Variants in DAB1 observed in about 807,000 individuals in gnomAD.
The protein encoded by DAB1 is disabled homolog 1.
In DAB1, 15 loss-of-function variants were observed where a neutral mutation model predicts 64.6. That is an observed-to-expected ratio of 0.23 (90% confidence interval 0.16 to 0.36). The LOEUF is 0.36. Ranked by LOEUF, DAB1 falls within the 10% of genes least tolerant of loss-of-function variation. The pLI, the probability that DAB1 is intolerant of heterozygous loss-of-function variation, is 1.00. For missense variants in DAB1, 596 were observed against 706.7 expected (o/e 0.84, Z 1.78); for synonymous variants, 235 against 251.9 (o/e 0.93, Z 0.64).
At chr1:58,236,135 T>G (rs1350608802) in intron 4 of DAB1, among the ~76,000 whole-genome samples, 1 of 16,336 alleles carries the variant, frequency 6.1e-5, no homozygotes, top group Admixed American at 3.8e-4. Flanking sequence ...CCCCCACTCC[T>G]CCTCACCTAC....
At chr1:58,166,839 A>G (rs2095817) in intron 4 of DAB1, among the ~76,000 whole-genome samples, 2,521 of 149,998 alleles carry the variant, frequency 0.017, 68 homozygotes, top group South Asian at 0.1. Flanking sequence ...TCCGCCCCCC[A>G]GGTTCAAGTG....
At position 58,187,608 on chromosome 1, in the gene DAB1, G is replaced by A. The variant is rs140621149; in HGVS notation, n.310-37020C>T. Among the ~76,000 whole-genome samples the A allele has an allele frequency of 3.1e-3, 462 of 149,936 alleles. 1 individual carries two copies. Among genetic ancestry groups the A allele is most frequent in the African/African-American group, 9.9e-3 (406 of 41,148 alleles). The stretch of plus-strand genomic sequence containing the variant: ...TTATTATAATTTTTGAGAAAGAGTT[G>A]CACTCTTGTCACCCAGGCTGGAGTG... On this transcript the variant is annotated intron_variant and non_coding_transcript_variant, in intron 4 of 20. Transcript: ENST00000485760.
At chr1:57,194,989 T>C (rs2100231953) in intron 2 of DAB1, among the ~76,000 whole-genome samples, 1 of 152,338 alleles carries the variant, frequency 6.6e-6, no homozygotes, top group African/African-American at 2.4e-5. Context: ...GAAAGTGTAA[T>C]AACTTTGGGT....
At chr1:58,008,248 C>T (rs1174238036) in intron 5 of DAB1, among the ~76,000 whole-genome samples, 1 of 152,118 alleles carries the variant, frequency 6.6e-6, no homozygotes, top group Non-Finnish European at 1.5e-5. Context: ...AATCCAGAAC[C>T]ACCACACTCC....
chr1:57,344,166 T>C (rs1677897626), intron 1 of DAB1, among the ~76,000 whole-genome samples: 1 of 152,214 alleles, frequency 6.6e-6, no homozygotes, highest in Admixed American at 6.5e-5. Flanking sequence ...CAGAACCAAG[T>C]TACAAACCCA....
intron 4 of DAB1, among the ~76,000 whole-genome samples, chr1:57,115,688 G>T (rs1656045698): frequency 6.6e-6 from 1 of 152,160 alleles, no homozygotes; most frequent in Non-Finnish European, 1.5e-5. Flanking sequence ...GAAAAGGAGG[G>T]CTTTCAGTTG....
chr1:58,232,476 TACACACACACACACACACACACACAC>T (rs58863239), intron 4 of DAB1, among the ~76,000 whole-genome samples: 7 of 144,034 alleles, frequency 4.9e-5, no homozygotes, highest in African/African-American at 1.8e-4. Flanking sequence ...TCTGAGTGAA[TACACACACACACACACACACACACAC>T]ACACACACAC....
intron 9 of DAB1, among the ~76,000 whole-genome samples, chr1:57,045,944 TC>T (rs1648429352): frequency 6.6e-6 from 1 of 152,176 alleles, no homozygotes; most frequent in Non-Finnish European, 1.5e-5. Context: ...GACCTTCCTT[TC>T]GGCATAAGTA....
intron 6 of DAB1, among the ~76,000 whole-genome samples, chr1:57,733,622 A>G (rs1426767710): frequency 1.3e-5 from 2 of 152,158 alleles, no homozygotes; most frequent in African/African-American, 4.8e-5. Flanking sequence ...TGCCCTCAGT[A>G]TAGATATTAG....
At chr1:57,635,205 TAG>T (rs1454777988) in intron 7 of DAB1, among the ~76,000 whole-genome samples, 1 of 152,148 alleles carries the variant, frequency 6.6e-6, no homozygotes, top group African/African-American at 2.4e-5. Context: ...TACTTGGAGA[TAG>T]AGTCATTAGG....
chr1:57,656,628 AG>A lies in DAB1; in HGVS notation n.552-6964del, dbSNP rs1646322340. ...TCAAGCACAGCTCCCAAAAAACCAC[AG>A]AAATAAGCTGTTCATAGGTACTACA... On this transcript the variant is annotated intron_variant and non_coding_transcript_variant, in intron 6 of 20. Coordinates refer to the DAB1 transcript ENST00000485760. 7.2e-5 allele frequency among the ~76,000 whole-genome samples: 11 copies of A among 152,350 alleles called. No homozygotes were observed. In the South Asian group the frequency reaches 2.1e-3, roughly 29 times the overall value.
chr1:57,249,212 T>C (rs1669132966), intron 2 of DAB1, among the ~76,000 whole-genome samples: 2 of 101,580 alleles, frequency 2.0e-5, no homozygotes, highest in Admixed American at 1.1e-4. Context: ...ATCTTGTATG[T>C]ATAGAGAAAA....
chr1:57,060,160 ATTTTATT>A (rs1399167688), intron 9 of DAB1, among the ~76,000 whole-genome samples: 1 of 149,740 alleles, frequency 6.7e-6, no homozygotes, highest in African/African-American at 2.5e-5. Flanking sequence ...ATTTTATTTT[ATTTTATT>A]TGAGACGGAG....
chr1:57,377,672 C>G (rs1681019204), intron 1 of DAB1, among the ~76,000 whole-genome samples: 1 of 152,160 alleles, frequency 6.6e-6, no homozygotes, highest in South Asian at 2.1e-4. Context: ...ATTATAATTA[C>G]TACATGTCAC....
intron 3 of DAB1, among the ~76,000 whole-genome samples, chr1:58,380,233 AT>A (rs1159196697): frequency 1.3e-5 from 2 of 152,198 alleles, no homozygotes; most frequent in African/African-American, 4.8e-5. Flanking sequence ...ATCATGGGCA[AT>A]TTCCCCCATG....
chr1:56,997,599 G>A lies in DAB1; in HGVS notation c.*545C>T, dbSNP rs962485912. ...GAAAGGGGGGAAAATGGCAGACCAG[G>A]CCCCATGGAGTGACAAAAAACACAT... On this transcript the variant is annotated 3_prime_UTR_variant, in exon 15 of 15. Transcript: ENST00000371236. 6.6e-6 allele frequency: 1 copy of A among 152,102 alleles called. No homozygotes were observed. Among genetic ancestry groups the A allele is most frequent in the African/African-American group, 2.4e-5 (1 of 41,406 alleles). The allele number at this position is 152,102 out of a possible 1,614,324, so 9.4% of individuals were successfully genotyped here. A position where few individuals can be genotyped will look rare whatever the true frequency, so the allele number is the denominator to read the frequency against.
intron 3 of DAB1, among the ~76,000 whole-genome samples, chr1:58,442,042 C>T (rs1177405194): frequency 1.8e-4 from 27 of 152,214 alleles, no homozygotes; most frequent in Non-Finnish European, 3.4e-4. Flanking sequence ...AATCAAATAA[C>T]ACCCGGAAGG....
chr1:57,505,217 A>G (rs530456595), intron 7 of DAB1, among the ~76,000 whole-genome samples: 5 of 152,376 alleles, frequency 3.3e-5, no homozygotes, highest in African/African-American at 1.2e-4. Flanking sequence ...CACTAAATAG[A>G]AAACTATTCT....
At chr1:58,249,598 G>A (rs1004974159) in intron 4 of DAB1, among the ~76,000 whole-genome samples, 4 of 152,124 alleles carry the variant, frequency 2.6e-5, no homozygotes, top group Admixed American at 6.5e-5. Flanking sequence ...GAAATGAAGA[G>A]AACGCGGACT....
Sources: gnomAD v4.1 joint callset for allele counts (sites outside exome capture counted in the v4.1 genomes callset) on GRCh38, gnomAD v4.1.1 for gene constraint, MANE v1.5 for transcripts, NCBI Gene and HGNC (gene_info 2026-07-23, HGNC 2026-07-21) for gene names.